Variants in MMP26 observed in about 807,000 individuals in gnomAD.
The protein encoded by MMP26 is matrix metallopeptidase 26.
Under a neutral mutation model 31.0 loss-of-function variants are expected in MMP26, and 33 were observed. The observed-to-expected ratio is 1.06, with a 90% CI of 0.81 to 1.42. MMP26 has a LOEUF of 1.42. MMP26 is among the 40% of genes most tolerant of loss of function. The pLI is 0.00. For missense variants in MMP26, 347 were observed against 316.1 expected (o/e 1.10, Z -0.74); for synonymous variants, 122 against 114.9 (o/e 1.06, Z -0.40).
In MMP26 at chr11:4,801,406, A is replaced by G. The variant is rs1365336583; in HGVS notation, c.-145+34065A>G. ...CAGCTTGTTTTTGGTGAGGCCTCAG[A>G]AAGTGTGCAATCATGGCAGAAGACA... is the stretch of plus-strand genomic sequence containing the variant. On this transcript the variant is annotated intron_variant, in intron 2 of 7. Coordinates refer to ENST00000380390, the MANE Select transcript of MMP26 (RefSeq NM_021801.5). Among the ~76,000 whole-genome samples the G allele has an allele frequency of 5.3e-5, 8 of 152,284 alleles. No homozygotes were observed. In the South Asian group the frequency reaches 1.2e-3, roughly 24 times the overall value.
At chr11:4,730,404 A>G (rs867270565) in intron 1 of MMP26, among the ~76,000 whole-genome samples, 9 of 144,950 alleles carry the variant, frequency 6.2e-5, no homozygotes, top group African/African-American at 1.8e-4. Context: ...GTTTCTGGGA[A>G]AGAGAGAGAG....
At chr11:4,943,032 C>T (rs1846238241) in intron 2 of MMP26, 1 of 153,630 alleles carries the variant, frequency 6.5e-6, no homozygotes. Context: ...ACTCCTATAT[C>T]ATACAGGCAT....
At chr11:4,938,312 T>C (rs1396934657) in intron 2 of MMP26, 1 of 152,130 alleles carries the variant, frequency 6.6e-6, no homozygotes, top group African/African-American at 2.4e-5. Flanking sequence ...AGGAAGATGC[T>C]TTACTAGGTG....
At chr11:4,739,335 G>T (rs902689700) in intron 1 of MMP26, among the ~76,000 whole-genome samples, 2 of 152,110 alleles carry the variant, frequency 1.3e-5, no homozygotes, top group African/African-American at 4.8e-5. Context: ...TGAGGTCCTA[G>T]GTGAGTTTTC....
At chr11:4,864,861 G>C (rs1204965827) in intron 2 of MMP26, among the ~76,000 whole-genome samples, 1 of 151,994 alleles carries the variant, frequency 6.6e-6, no homozygotes, top group Non-Finnish European at 1.5e-5. Context: ...CCTATTATCG[G>C]GAGCTTAATC....
intron 1 of MMP26, among the ~76,000 whole-genome samples, chr11:4,765,575 T>C (rs1428296269): frequency 1.3e-5 from 2 of 152,220 alleles, no homozygotes; most frequent in Non-Finnish European, 2.9e-5. Flanking sequence ...ATCTTGTTGG[T>C]TCCTGTGATA....
At chr11:4,968,496 T>C (rs189085752) in intron 2 of MMP26, among the ~76,000 whole-genome samples, 2 of 149,182 alleles carry the variant, frequency 1.3e-5, no homozygotes, top group Non-Finnish European at 1.5e-5. Context: ...AAAAAAGAGT[T>C]ATTTTAAAAG....
chr11:4,890,806 G>C (rs918731112), intron 2 of MMP26, among the ~76,000 whole-genome samples: 1 of 151,808 alleles, frequency 6.6e-6, no homozygotes, highest in Non-Finnish European at 1.5e-5. Flanking sequence ...AGAAATATGG[G>C]TACTTGCATA....
At chr11:4,931,203 G>A (rs1851342205) in intron 2 of MMP26, among the ~76,000 whole-genome samples, 1 of 152,050 alleles carries the variant, frequency 6.6e-6, no homozygotes, top group South Asian at 2.1e-4. Flanking sequence ...AGAGCAAAGT[G>A]AGACAGGGTT....
At chr11:4,873,769 G>A (rs916635731) in intron 2 of MMP26, among the ~76,000 whole-genome samples, 2 of 151,826 alleles carry the variant, frequency 1.3e-5, no homozygotes, top group Non-Finnish European at 2.9e-5. Flanking sequence ...TATTCCAAAT[G>A]CATACTCTTA....
intron 2 of MMP26, among the ~76,000 whole-genome samples, chr11:4,891,678 T>C (rs1242050274): frequency 6.6e-6 from 1 of 152,196 alleles, no homozygotes; most frequent in Non-Finnish European, 1.5e-5. Context: ...CCTTTTTGTA[T>C]GATAATGATT....
At chr11:4,887,401 A>G (rs1027610604) in intron 2 of MMP26, among the ~76,000 whole-genome samples, 7 of 152,148 alleles carry the variant, frequency 4.6e-5, no homozygotes, top group Admixed American at 4.6e-4. Context: ...CTTCTGATCC[A>G]GAAACATTTA....
chr11:4,941,522 T>C (rs16907597), intron 2 of MMP26, among the ~76,000 whole-genome samples: 28,214 of 152,142 alleles, frequency 0.19, 2,976 homozygotes, highest in South Asian at 0.4. Context: ...GCAAATAAAT[T>C]ATCTGAAGAG....
intron 1 of MMP26, among the ~76,000 whole-genome samples, chr11:4,766,416 T>C (rs1848629199): frequency 6.6e-6 from 1 of 152,210 alleles, no homozygotes; most frequent in Admixed American, 6.5e-5. Flanking sequence ...GTGCTTCTAC[T>C]CGGTGTTTCA....
chr11:4,932,019 G>A (rs1419518951), intron 2 of MMP26, among the ~76,000 whole-genome samples: 1 of 151,982 alleles, frequency 6.6e-6, no homozygotes, highest in Non-Finnish European at 1.5e-5. Context: ...CAACAAGAAT[G>A]CAAAGTAACG....
At chr11:4,781,773 G>A (rs1589898789) in intron 2 of MMP26, among the ~76,000 whole-genome samples, 1 of 152,014 alleles carries the variant, frequency 6.6e-6, no homozygotes, top group African/African-American at 2.4e-5. Flanking sequence ...GGAGGGACCT[G>A]GTAGGAAGTG....
At chr11:4,820,518 C>G (rs1849480252) in intron 2 of MMP26, among the ~76,000 whole-genome samples, 1 of 151,688 alleles carries the variant, frequency 6.6e-6, no homozygotes, top group African/African-American at 2.4e-5. Context: ...TCCTTCCCTT[C>G]TTTCTCACTC....
At chr11:4,958,966 C>T (rs975554984) in intron 2 of MMP26, among the ~76,000 whole-genome samples, 17 of 152,114 alleles carry the variant, frequency 1.1e-4, no homozygotes, top group African/African-American at 3.6e-4. Flanking sequence ...AGGCCGGGCG[C>T]GGTGGCTCAC....
chr11:4,816,114 A>ATT (rs934198974), intron 2 of MMP26, among the ~76,000 whole-genome samples: 1 of 151,940 alleles, frequency 6.6e-6, no homozygotes, highest in Admixed American at 6.5e-5. Flanking sequence ...TTCTCTGTTG[A>ATT]TTTTTTATCA....
Sources: allele counts gnomAD v4.1 joint callset (sites outside exome capture counted in the v4.1 genomes callset), GRCh38; gene constraint gnomAD v4.1.1; transcripts MANE v1.5; gene names NCBI Gene and HGNC (gene_info 2026-07-23, HGNC 2026-07-21).